SLCO3A1: variants seen among roughly 807,000 people sequenced by gnomAD.
SLCO3A1 encodes PGE1 transporter.
Under a neutral mutation model 63.1 loss-of-function variants are expected in SLCO3A1, and 27 were observed. The observed-to-expected ratio is 0.43, with a 90% CI of 0.32 to 0.59. The LOEUF (loss-of-function observed/expected upper bound fraction) is 0.59, where lower values mean the gene tolerates loss of function less well. SLCO3A1 is among the 20% of genes least tolerant of loss of function. The pLI, the probability that SLCO3A1 is intolerant of heterozygous loss-of-function variation, is 0.09. For synonymous variants in SLCO3A1, 473 were observed against 409.9 expected (o/e 1.15, Z -1.86); for missense variants, 773 against 945.8 (o/e 0.82, Z 2.40).
intron 9 of SLCO3A1, among the ~76,000 whole-genome samples, chr15:92,154,918 CA>C (rs1350160779): frequency 6.6e-6 from 1 of 152,134 alleles, no homozygotes; most frequent in Non-Finnish European, 1.5e-5. Flanking sequence ...AGGATGTGGC[CA>C]AAGCCTCATT....
chr15:92,164,336 A>C lies in SLCO3A1; in HGVS notation c.*1201A>C, dbSNP rs1265004423. 1 of 985,234 alleles carries C rather than the reference A, an allele frequency of 1.0e-6. No individual in the cohort carries two copies. Among genetic ancestry groups the C allele is most frequent in the African/African-American group, 1.7e-5 (1 of 57,258 alleles). The allele number at this position is 985,234 out of a possible 1,614,324, so 61.0% of individuals were successfully genotyped here. ...GAAGAAAAAAAAATGCTTCAAAAAGAGAGTGTATATGCAGCCTGCCTTTAA... is the reference window on the plus strand; with the variant it reads ...GAAGAAAAAAAAATGCTTCAAAAAGCGAGTGTATATGCAGCCTGCCTTTAA... On this transcript the variant is annotated 3_prime_UTR_variant, in exon 10 of 10. Coordinates refer to ENST00000318445, the MANE Select transcript of SLCO3A1 (RefSeq NM_013272.4).
At chr15:92,025,687 T>C (rs2046564906) in intron 2 of SLCO3A1, among the ~76,000 whole-genome samples, 2 of 152,224 alleles carry the variant, frequency 1.3e-5, no homozygotes, top group Admixed American at 6.5e-5. Flanking sequence ...ACCATTCCCG[T>C]AGCTGTCTCT....
chr15:92,091,717 G>A (rs1400632488), intron 2 of SLCO3A1, among the ~76,000 whole-genome samples: 2 of 152,190 alleles, frequency 1.3e-5, no homozygotes, highest in Non-Finnish European at 1.5e-5. Flanking sequence ...GACGAGGAGC[G>A]ACATAGAAAA....
At chr15:92,021,050 A>G (rs1482379258) in intron 2 of SLCO3A1, among the ~76,000 whole-genome samples, 1 of 152,188 alleles carries the variant, frequency 6.6e-6, no homozygotes, top group East Asian at 1.9e-4. Context: ...TGTAGTGAGG[A>G]GTAAGTAATA....
intron 2 of SLCO3A1, among the ~76,000 whole-genome samples, chr15:91,964,917 G>T (rs931980866): frequency 6.6e-6 from 1 of 152,008 alleles, no homozygotes; most frequent in Non-Finnish European, 1.5e-5. Context: ...ACCTTGTCCC[G>T]TACTTTGTCT....
chr15:92,104,151 C>A, intron 3 of SLCO3A1, 128 bp from the exon 4 acceptor site: 1 of 1,049,220 alleles, frequency 9.5e-7, no homozygotes, highest in Non-Finnish European at 1.4e-6. Flanking sequence ...GCCTGGCAGC[C>A]AGTGTTCCCG....
At chr15:92,037,732 C>T (rs1228336149) in intron 2 of SLCO3A1, among the ~76,000 whole-genome samples, 1 of 152,234 alleles carries the variant, frequency 6.6e-6, no homozygotes, top group Admixed American at 6.5e-5. Context: ...TTGATGTTAT[C>T]TACAGATTAC....
intron 2 of SLCO3A1, among the ~76,000 whole-genome samples, chr15:91,960,628 A>C (rs749130339): frequency 5.3e-5 from 8 of 152,202 alleles, no homozygotes; most frequent in African/African-American, 1.7e-4. Flanking sequence ...CTTTTGATAC[A>C]GGAGTAATTT....
rs915354102 is a variant in SLCO3A1, at chr15:91,859,237, C to A, written c.180+5149C>A. On this transcript the variant is annotated intron_variant, in intron 1 of 9. Coordinates refer to ENST00000318445, the MANE Select transcript of SLCO3A1 (RefSeq NM_013272.4). The surrounding 1 kb of genome is among the most constrained non-coding windows in gnomAD (Gnocchi z 5.1). ...GGAACCGTTCTCCCCTGAAGAAAAT[C>A]TCGGTATTTTCTTGCCTCTCGGAAA... Among the ~76,000 whole-genome samples, 5 of 152,186 alleles carry A rather than the reference C, an allele frequency of 3.3e-5. No homozygotes were observed. Among genetic ancestry groups the A allele is most frequent in the African/African-American group, 9.7e-5 (4 of 41,442 alleles).
chr15:92,164,802 A>G lies in SLCO3A1; in HGVS notation c.*1667A>G. 1.0e-5 allele frequency: 10 copies of G among 985,408 alleles called. No individual in the cohort carries two copies. The highest frequency in any genetic ancestry group is 1.2e-5 in the Non-Finnish European group (10 of 829,948). The allele number at this position is 985,408 out of a possible 1,614,324, so 61.0% of individuals were successfully genotyped here. On this transcript the variant is annotated 3_prime_UTR_variant, in exon 10 of 10. Coordinates refer to ENST00000318445, the MANE Select transcript of SLCO3A1 (RefSeq NM_013272.4). Reference sequence around the variant, plus strand: ...GAATCACGTTGGAAAACCTCTCGCAACCAGCACACTAGGCCTTCTACGGCC... The same window carrying G: ...GAATCACGTTGGAAAACCTCTCGCAGCCAGCACACTAGGCCTTCTACGGCC...
At chr15:92,133,232 A>T (rs1030723193) in intron 7 of SLCO3A1, among the ~76,000 whole-genome samples, 1 of 146,382 alleles carries the variant, frequency 6.8e-6, no homozygotes, top group Non-Finnish European at 1.5e-5. Context: ...CCCAGTGAAG[A>T]ACCACCGCTG....
chr15:91,991,430 C>T (rs2046125209), intron 2 of SLCO3A1, among the ~76,000 whole-genome samples: 1 of 152,134 alleles, frequency 6.6e-6, no homozygotes, highest in Admixed American at 6.5e-5. Flanking sequence ...TTTAGGCTAA[C>T]ATTGTGCAGA....
chr15:92,107,399 C>T (rs557701884), intron 4 of SLCO3A1, among the ~76,000 whole-genome samples: 19 of 152,134 alleles, frequency 1.2e-4, no homozygotes, highest in Admixed American at 3.3e-4. Flanking sequence ...TTTCTCCATG[C>T]GAGACACATG....
At chr15:92,111,078 G>C (rs559156088) in intron 4 of SLCO3A1, among the ~76,000 whole-genome samples, 43 of 152,126 alleles carry the variant, frequency 2.8e-4, no homozygotes, top group African/African-American at 9.9e-4. Flanking sequence ...TTACATCTTG[G>C]TCAGGGAGCA....
At chr15:92,124,272 G>A (rs1421963187) in intron 5 of SLCO3A1, among the ~76,000 whole-genome samples, 2 of 152,196 alleles carry the variant, frequency 1.3e-5, no homozygotes, top group East Asian at 3.8e-4. Flanking sequence ...AATGAGAATG[G>A]AATTTCAGGG....
intron 2 of SLCO3A1, among the ~76,000 whole-genome samples, chr15:91,966,214 C>G (rs575482513): frequency 6.6e-6 from 1 of 152,266 alleles, no homozygotes. Flanking sequence ...ATAACTGCAC[C>G]CGTAGCTCAG....
At chr15:91,909,187 A>G (rs1898406350) in intron 1 of SLCO3A1, among the ~76,000 whole-genome samples, 1 of 152,240 alleles carries the variant, frequency 6.6e-6, no homozygotes, top group South Asian at 2.1e-4. Flanking sequence ...CAGTGTTTGT[A>G]TTGCCAGGCA....
intron 2 of SLCO3A1, among the ~76,000 whole-genome samples, chr15:92,086,391 T>C (rs2047404617): frequency 6.6e-6 from 1 of 152,228 alleles, no homozygotes; most frequent in Non-Finnish European, 1.5e-5. Context: ...TTATATCTTA[T>C]TGTTCATTTG....
At chr15:92,172,129 T>G in exon 11 of SLCO3A1, 1 of 356,448 alleles carries the variant, frequency 2.8e-6, no homozygotes, top group Non-Finnish European at 5.1e-6. Context: ...GGTGTGCAAA[T>G]TCCCTTCCAC....
Sources: allele counts gnomAD v4.1 joint callset (sites outside exome capture counted in the v4.1 genomes callset), GRCh38; gene constraint gnomAD v4.1.1; non-coding constraint Gnocchi (gnomAD v3.1); transcripts MANE v1.5; gene names NCBI Gene and HGNC (gene_info 2026-07-23, HGNC 2026-07-21).